The following TXK variants were observed in gnomAD, a reference collection of about 807,000 sequenced individuals.
The protein encoded by TXK is tyrosine-protein kinase TXK.
TXK carries 60 observed loss-of-function variants against 81.0 expected under a neutral mutation model. The observed-to-expected ratio is 0.74, with a 90% CI of 0.60 to 0.92. The LOEUF is 0.92. Ranked by LOEUF, TXK falls within the 40% of genes least tolerant of loss-of-function variation. TXK has a pLI of 0.00. For missense variants in TXK, 581 were observed against 638.3 expected (o/e 0.91, Z 0.97); for synonymous variants, 203 against 210.7 (o/e 0.96, Z 0.32).
chr4:48,083,688 T>C (rs1380778920), intron 10 of TXK, among the ~76,000 whole-genome samples: 1 of 152,224 alleles, frequency 6.6e-6, no homozygotes, highest in Non-Finnish European at 1.5e-5. Flanking sequence ...TAAATGTTTT[T>C]AAGCACCAAC....
intron 1 of TXK, among the ~76,000 whole-genome samples, chr4:48,124,759 C>T (rs763592197): frequency 1.4e-4 from 22 of 152,142 alleles, no homozygotes; most frequent in Non-Finnish European, 2.1e-4. Flanking sequence ...TAAACAAATG[C>T]TTATCCAAAA....
chr4:48,069,234 C>T (rs767642666), intron 14 of TXK, among the ~76,000 whole-genome samples: 12 of 151,966 alleles, frequency 7.9e-5, no homozygotes, highest in Admixed American at 5.9e-4. Context: ...CCCAGGAGGT[C>T]AAGGCTGCAG....
At position 48,071,513 on chromosome 4, in the gene TXK, T is replaced by G. The variant is rs1716852789; in HGVS notation, c.1515+4A>C. The stretch of plus-strand genomic sequence containing the variant: ...ACCTTCATAGGAAAGTAACATATGC[T>G]TACCTCATGCCAGCAGCTGTACATG... On this transcript the variant is annotated splice_donor_region_variant and intron_variant, in intron 14 of 14. Coordinates refer to ENST00000264316, the MANE Select transcript of TXK (RefSeq NM_003328.3). 39 of 1,611,998 alleles carry G rather than the reference T, an allele frequency of 2.4e-5. No individual in the cohort carries two copies. Among genetic ancestry groups the G allele is most frequent in the Non-Finnish European group, 3.2e-5 (38 of 1,179,248 alleles).
chr4:48,098,926 G>A (rs1718082890), intron 6 of TXK, among the ~76,000 whole-genome samples: 1 of 144,162 alleles, frequency 6.9e-6, no homozygotes. Flanking sequence ...GAGCAAGACT[G>A]TCAAAAAACA....
chr4:48,091,769 T>G (rs1717786411), intron 8 of TXK, among the ~76,000 whole-genome samples: 2 of 152,116 alleles, frequency 1.3e-5, no homozygotes, highest in African/African-American at 4.8e-5. Context: ...CCTCCCAAAG[T>G]GTTGTAATTA....
chr4:48,110,334 A>G (rs1718593911), intron 5 of TXK, among the ~76,000 whole-genome samples: 1 of 152,204 alleles, frequency 6.6e-6, no homozygotes, highest in Non-Finnish European at 1.5e-5. Context: ...AAACAGAAAA[A>G]GTGGCTATAC....
rs1718032857 is a variant in TXK, at chr4:48,097,657, C to G, written c.502-2435G>C. Reference sequence around the variant, plus strand: ...TTCATCATGTTGGCCAGGATGGTCTCGATCTCTTGACCTTGAGATCTGCCC... The same window carrying G: ...TTCATCATGTTGGCCAGGATGGTCTGGATCTCTTGACCTTGAGATCTGCCC... On this transcript the variant is annotated intron_variant, in intron 6 of 14. Transcript: ENST00000264316. Among the ~76,000 whole-genome samples the G allele has an allele frequency of 2.0e-5, 3 of 151,200 alleles. No individual in the cohort carries two copies. In the South Asian group the frequency reaches 6.3e-4, roughly 32 times the overall value.
intron 5 of TXK, among the ~76,000 whole-genome samples, chr4:48,108,688 T>C (rs1218096583): frequency 6.6e-6 from 1 of 152,212 alleles, no homozygotes; most frequent in Non-Finnish European, 1.5e-5. Context: ...AGTTTTCTCA[T>C]AATTGGAGTC....
At chr4:48,127,759 C>A (rs190947250) in intron 1 of TXK, among the ~76,000 whole-genome samples, 2 of 152,332 alleles carry the variant, frequency 1.3e-5, no homozygotes, top group East Asian at 3.9e-4. Context: ...CAGATGTAAT[C>A]TCTGTGACCT....
rs1718555731 is a variant in TXK at position 48,109,196 on chromosome 4, TG to T, written c.446+1341del. On this transcript the variant is annotated intron_variant, in intron 5 of 14. Transcript: ENST00000264316. ...TGTGGAACTGCTTTTTTTTTTTTTC[TG>T]TCCTTTTTTTATAGAGATAGGGTCT... 2.8e-5 allele frequency among the ~76,000 whole-genome samples: 4 copies of T among 144,562 alleles called. No homozygotes were observed. The East Asian group carries it at 8.0e-4, about 29-fold the overall frequency. The allele number at this position is 144,562 out of a possible 152,430, so 94.8% of individuals were successfully genotyped here.
intron 5 of TXK, among the ~76,000 whole-genome samples, chr4:48,105,780 T>C (rs1460177191): frequency 6.6e-6 from 1 of 152,180 alleles, no homozygotes; most frequent in Non-Finnish European, 1.5e-5. Flanking sequence ...CTCCTGAGTC[T>C]CCCCTCACTC....
At chr4:48,108,203 G>C (rs1398535148) in intron 5 of TXK, among the ~76,000 whole-genome samples, 1 of 152,184 alleles carries the variant, frequency 6.6e-6, no homozygotes, top group Non-Finnish European at 1.5e-5. Flanking sequence ...TACATCGTAA[G>C]TGTACAATAA....
intron 12 of TXK, among the ~76,000 whole-genome samples, chr4:48,075,579 G>A (rs1039985979): frequency 1.3e-5 from 2 of 152,142 alleles, no homozygotes; most frequent in Non-Finnish European, 2.9e-5. Context: ...GAGCCTGGGA[G>A]GTCGAGGCTG....
chr4:48,103,098 T>A (rs545837373), intron 6 of TXK, among the ~76,000 whole-genome samples: 1 of 152,188 alleles, frequency 6.6e-6, no homozygotes, highest in Non-Finnish European at 1.5e-5. Context: ...ATATCTGGGT[T>A]GCGGGCCTGT....
chr4:48,067,580 T>C lies in TXK; in HGVS notation c.*57A>G. The C allele has an allele frequency of 1.3e-6, 2 of 1,554,752 alleles. No homozygotes were observed. Among genetic ancestry groups the C allele is most frequent in the Non-Finnish European group, 1.8e-6 (2 of 1,125,768 alleles). On this transcript the variant is annotated 3_prime_UTR_variant, in exon 15 of 15. Transcript: ENST00000264316. ...TAAGTGACCCCATATGGTGAAGATA[T>C]TCACAATAAATGACAGTTTTGCAAG... is the stretch of plus-strand genomic sequence containing the variant.
chr4:48,077,829 C>T (rs944196375), intron 11 of TXK, among the ~76,000 whole-genome samples: 1 of 152,076 alleles, frequency 6.6e-6, no homozygotes, highest in African/African-American at 2.4e-5. Context: ...CCAACAAACC[C>T]ATATGAGGAA....
chr4:48,124,758 G>T (rs1385508575), intron 1 of TXK, among the ~76,000 whole-genome samples: 1 of 152,122 alleles, frequency 6.6e-6, no homozygotes, highest in African/African-American at 2.4e-5. Flanking sequence ...TTAAACAAAT[G>T]CTTATCCAAA....
chr4:48,086,129 C>T (rs976034788), intron 10 of TXK, among the ~76,000 whole-genome samples: 19 of 152,350 alleles, frequency 1.2e-4, no homozygotes, highest in Non-Finnish European at 2.5e-4. Context: ...GAGCACACAG[C>T]GGCTGAGTAA....
At position 48,067,656 on chromosome 4, in the gene TXK, T is replaced by C; in HGVS notation, c.1565A>G (p.Glu522Gly). ...TFAELLRAVT[E>G]IAETW ...TTCCGGTCACCAGGTTTCCGCAATCTCTGTGACAGCCCGCAGCAGCTCGGC... is the reference window on the plus strand; with the variant it reads ...TTCCGGTCACCAGGTTTCCGCAATCCCTGTGACAGCCCGCAGCAGCTCGGC... Residue 522 changes from glutamate (E) to glycine (G), a missense_variant, in exon 15 of 15, where the codon GAG becomes GGG. Coordinates refer to ENST00000264316, the MANE Select transcript of TXK (RefSeq NM_003328.3). The C allele has an allele frequency of 6.2e-7, 1 of 1,614,094 alleles. No individual in the cohort carries two copies. Among genetic ancestry groups the C allele is most frequent in the Non-Finnish European group, 8.5e-7 (1 of 1,180,006 alleles).
Sources: allele counts gnomAD v4.1 joint callset (sites outside exome capture counted in the v4.1 genomes callset), GRCh38; gene constraint gnomAD v4.1.1; transcripts MANE v1.5; gene names NCBI Gene and HGNC (gene_info 2026-07-23, HGNC 2026-07-21).